The following SEC63 variants were observed in gnomAD, a reference collection of about 807,000 sequenced individuals.
SEC63 encodes the protein translocation protein SEC63 homolog.
A neutral mutation model predicts 116.2 loss-of-function variants in SEC63; 56 were observed. The ratio of observed to expected loss-of-function variants is 0.48; its 90% CI spans 0.39 to 0.60. The LOEUF (loss-of-function observed/expected upper bound fraction) is 0.60, where lower values mean the gene tolerates loss of function less well. Among genes scored for constraint, SEC63 ranks in the 20% least tolerant of loss-of-function variants. The pLI, the probability that SEC63 is intolerant of heterozygous loss-of-function variation, is 0.00. For synonymous variants in SEC63, 273 were observed against 294.6 expected, an observed-to-expected ratio of 0.93 and a Z score of 0.75; for missense variants, 668 against 900.0, an observed-to-expected ratio of 0.74 and a Z score of 3.30.
intron 18 of SEC63, among the ~76,000 whole-genome samples, chr6:107,878,664 T>C (rs1185854510): frequency 6.6e-6 from 1 of 152,200 alleles, no homozygotes; most frequent in Non-Finnish European, 1.5e-5. Flanking sequence ...AAGACCAGCC[T>C]GACCAACATG....
intron 4 of SEC63, among the ~76,000 whole-genome samples, chr6:107,914,038 C>T (rs1787344380): frequency 6.6e-6 from 1 of 152,150 alleles, no homozygotes; most frequent in Non-Finnish European, 1.5e-5. Context: ...TTCTCCTGAA[C>T]AGCAGCTTCC....
chr6:107,923,056 T>C (rs947451853), intron 3 of SEC63, among the ~76,000 whole-genome samples: 5 of 152,144 alleles, frequency 3.3e-5, no homozygotes, highest in Admixed American at 2.6e-4. Context: ...AACTTGAATA[T>C]ATGCTCCCAG....
At chr6:107,887,762 T>A (rs1378719524) in intron 16 of SEC63, among the ~76,000 whole-genome samples, 1 of 151,888 alleles carries the variant, frequency 6.6e-6, no homozygotes, top group East Asian at 1.9e-4. Context: ...AAAAAAAATT[T>A]TTTTGTATAA....
chr6:107,890,396 C>CT (rs985987022), intron 16 of SEC63, among the ~76,000 whole-genome samples: 14 of 151,874 alleles, frequency 9.2e-5, no homozygotes, highest in African/African-American at 1.9e-4. Flanking sequence ...ATAAACCCTG[C>CT]TTTTTTTTGC....
At chr6:107,908,771 G>T (rs1787210741) in intron 8 of SEC63, among the ~76,000 whole-genome samples, 156 bp downstream of exon 8, 1 of 152,000 alleles carries the variant, frequency 6.6e-6, no homozygotes, top group Non-Finnish European at 1.5e-5. Flanking sequence ...GTGACAAAGG[G>T]TGCTGGCATT....
chr6:107,874,613 A>AAAGAAC (rs965044497), intron 19 of SEC63, among the ~76,000 whole-genome samples: 2 of 151,794 alleles, frequency 1.3e-5, no homozygotes, highest in African/African-American at 4.8e-5. Context: ...AAAAAAAAAA[A>AAAGAAC]AAGAACAAGA....
At chr6:107,878,129 T>C (rs1786323963) in intron 18 of SEC63, among the ~76,000 whole-genome samples, 1 of 152,152 alleles carries the variant, frequency 6.6e-6, no homozygotes, top group African/African-American at 2.4e-5. Context: ...TTATTTACAA[T>C]AAAGCCTCAT....
intron 1 of SEC63, among the ~76,000 whole-genome samples, chr6:107,950,142 A>AT (rs1189094646): frequency 3.3e-5 from 5 of 152,210 alleles, no homozygotes; most frequent in African/African-American, 9.6e-5. Flanking sequence ...GGTGGTGACT[A>AT]TAAGACAAAA....
rs9400158 is a variant in SEC63 at position 107,892,642 on chromosome 6, G to T, written c.1674+840C>A. ...GTAAAAATGTAAGGACTCTTATCCAGAATATATACAGAATTCCTACAATTT... is the reference window on the plus strand; with the variant it reads ...GTAAAAATGTAAGGACTCTTATCCATAATATATACAGAATTCCTACAATTT... On this transcript the variant is annotated intron_variant, in intron 16 of 20. Transcript: ENST00000369002. Among the ~76,000 whole-genome samples, 2,061 of 152,168 alleles carry T rather than the reference G, an allele frequency of 0.014. 97 individuals carry two copies. The East Asian group carries it at 0.16, about 12-fold the overall frequency.
chr6:107,900,027 G>A (rs375561128), intron 13 of SEC63, among the ~76,000 whole-genome samples: 9 of 152,110 alleles, frequency 5.9e-5, no homozygotes, highest in East Asian at 3.9e-4. Flanking sequence ...AGCTCAATAA[G>A]CAGAGGGTAT....
intron 16 of SEC63, among the ~76,000 whole-genome samples, chr6:107,885,296 G>A (rs1398460612): frequency 6.6e-6 from 1 of 152,200 alleles, no homozygotes; most frequent in Non-Finnish European, 1.5e-5. Flanking sequence ...CAAATGGTTA[G>A]AATTATTGCC....
chr6:107,883,114 A>G lies in SEC63; in HGVS notation c.1707T>C (p.Val569=). ...CTTCAGAATCACTGCCCTTATCTGAAACTTCTTCTTCATCTTCCTTTACTG... is the reference window on the plus strand; with the variant it reads ...CTTCAGAATCACTGCCCTTATCTGAGACTTCTTCTTCATCTTCCTTTACTG... ...EAAVKEDEEE[V]SDKGSDSEEE... is the part of the protein sequence containing the mutation. Residue 569 remains valine (V), a synonymous_variant, in exon 17 of 21, where the codon GTT becomes GTC. Transcript: ENST00000369002. The G allele has an allele frequency of 6.2e-7, 1 of 1,612,208 alleles. No homozygotes were observed. Among genetic ancestry groups the G allele is most frequent in the South Asian group, 1.1e-5 (1 of 91,052 alleles).
intron 1 of SEC63, among the ~76,000 whole-genome samples, chr6:107,942,820 A>G (rs546021775): frequency 2.6e-4 from 40 of 152,202 alleles, no homozygotes; most frequent in Non-Finnish European, 5.3e-4. Flanking sequence ...TAAGAAAATC[A>G]TAAGGAAGAG....
intron 16 of SEC63, among the ~76,000 whole-genome samples, chr6:107,888,797 G>T (rs1326310581): frequency 6.6e-6 from 1 of 152,178 alleles, no homozygotes; most frequent in Admixed American, 6.5e-5. Flanking sequence ...TTTTTAGCAT[G>T]AAGGGCTGCT....
Position 107,870,338 on chromosome 6 carries a change from C to T in SEC63, c.*1366G>A, listed in dbSNP as rs1786102291. ...TTTGCTAATTTTCACATTTTATTTCCAACTATTGCAGTAACAAGATGCCGG... is the reference window on the plus strand; with the variant it reads ...TTTGCTAATTTTCACATTTTATTTCTAACTATTGCAGTAACAAGATGCCGG... On this transcript the variant is annotated 3_prime_UTR_variant, in exon 21 of 21. Transcript: ENST00000369002. The T allele has an allele frequency of 6.6e-6, 1 of 152,490 alleles. No homozygotes were observed. Among genetic ancestry groups the T allele is most frequent in the Admixed American group, 6.6e-5 (1 of 15,258 alleles). The allele number at this position is 152,490 out of a possible 1,614,324, so 9.4% of individuals were successfully genotyped here. A position where few individuals can be genotyped will look rare whatever the true frequency, so the allele number is the denominator to read the frequency against.
At chr6:107,927,976 T>A (rs1328175944) in intron 2 of SEC63, among the ~76,000 whole-genome samples, 3 of 152,192 alleles carry the variant, frequency 2.0e-5, no homozygotes, top group Admixed American at 2.0e-4. Context: ...GTTGGGTGAA[T>A]CTTCCCACTT....
intron 1 of SEC63, among the ~76,000 whole-genome samples, chr6:107,950,302 G>C (rs569416026): frequency 6.6e-6 from 1 of 152,066 alleles, no homozygotes; most frequent in African/African-American, 2.4e-5. Flanking sequence ...GAACTGAAGA[G>C]AGAAACAGAC....
At chr6:107,886,871 G>C (rs933810883) in intron 16 of SEC63, among the ~76,000 whole-genome samples, 4 of 144,314 alleles carry the variant, frequency 2.8e-5, no homozygotes, top group African/African-American at 1.0e-4. Context: ...TTGCTGTGCA[G>C]AAGCTCTTTA....
chr6:107,873,812 CT>C (rs1288616245), intron 19 of SEC63, among the ~76,000 whole-genome samples: 1 of 151,982 alleles, frequency 6.6e-6, no homozygotes, highest in African/African-American at 2.4e-5. Flanking sequence ...CCCAAAACAA[CT>C]TTTTAAGACT....
Sources: allele counts gnomAD v4.1 joint callset (sites outside exome capture counted in the v4.1 genomes callset), GRCh38; gene constraint gnomAD v4.1.1; transcripts MANE v1.5; gene names NCBI Gene and HGNC (gene_info 2026-07-23, HGNC 2026-07-21).